Variants in ULK4 observed in about 807,000 individuals in gnomAD.
ULK4 encodes unc-51 like kinase 4, also known as inactive serine/threonine-protein kinase ULK4.
In ULK4, 133 loss-of-function variants were observed where a neutral mutation model predicts 160.6. The observed-to-expected ratio is 0.83, with a 90% CI of 0.72 to 0.96. The LOEUF (loss-of-function observed/expected upper bound fraction) is 0.96, where lower values mean the gene tolerates loss of function less well. Ranked by LOEUF, ULK4 falls within the 40% of genes least tolerant of loss-of-function variation. The pLI is 0.00. For synonymous variants in ULK4, 534 were observed against 539.8 expected (o/e 0.99, Z 0.15); for missense variants, 1,580 against 1,499.5 (o/e 1.05, Z -0.89).
intron 30 of ULK4, among the ~76,000 whole-genome samples, chr3:41,629,044 CT>C (rs746488156): frequency 2.0e-5 from 3 of 152,118 alleles, no homozygotes; most frequent in Non-Finnish European, 4.4e-5. Context: ...TGAATTTCAT[CT>C]TTATAGTGTT....
intron 30 of ULK4, among the ~76,000 whole-genome samples, chr3:41,657,834 A>AAAAAAAAAAAAAAC (rs1553628520): frequency 2.7e-5 from 4 of 150,072 alleles, no homozygotes; most frequent in African/African-American, 7.4e-5. Flanking sequence ...AAAAAAAAAA[A>AAAAAAAAAAAAAAC]ACACACACCA....
chr3:41,724,601 T>G lies in ULK4; in HGVS notation c.2322-6740A>C, dbSNP rs2037584595. Among the ~76,000 whole-genome samples the G allele has an allele frequency of 2.0e-5, 3 of 152,126 alleles. No homozygotes were observed. In the South Asian group the frequency reaches 6.2e-4, roughly 32 times the overall value. On this transcript the variant is annotated intron_variant, in intron 22 of 36. Transcript: ENST00000301831. ...AGCCGGGCGTGGTGGCAGGCGCCTG[T>G]AGTCCCAGCTACTCGGGAGGCTGAG... is the stretch of plus-strand genomic sequence containing the variant.
intron 32 of ULK4, among the ~76,000 whole-genome samples, chr3:41,521,417 A>G (rs982256924): frequency 1.3e-4 from 20 of 151,944 alleles, no homozygotes; most frequent in Admixed American, 6.6e-5. Context: ...CATTTTGTCT[A>G]GACAGATATG....
intron 35 of ULK4, among the ~76,000 whole-genome samples, chr3:41,250,645 C>A (rs2078727673): frequency 6.6e-6 from 1 of 152,178 alleles, no homozygotes; most frequent in Non-Finnish European, 1.5e-5. Flanking sequence ...ATCAACCACT[C>A]ATGATAGGTC....
At chr3:41,735,886 C>A in intron 22 of ULK4, among the ~76,000 whole-genome samples, 1 of 130,054 alleles carries the variant, frequency 7.7e-6, no homozygotes, top group African/African-American at 2.9e-5. Flanking sequence ...GTTCCCCTTC[C>A]TGTGTCCATG....
At chr3:41,274,379 C>A (rs562056778) in intron 35 of ULK4, among the ~76,000 whole-genome samples, 1 of 152,186 alleles carries the variant, frequency 6.6e-6, no homozygotes, top group Non-Finnish European at 1.5e-5. Context: ...CACAGTAACA[C>A]AGACAGCCAC....
chr3:41,439,696 T>C (rs933040557), intron 34 of ULK4, among the ~76,000 whole-genome samples: 2 of 152,200 alleles, frequency 1.3e-5, no homozygotes, highest in African/African-American at 4.8e-5. Flanking sequence ...AAAGTTGTTT[T>C]GACTATTCTA....
chr3:41,293,413 A>C (rs1239019904), intron 35 of ULK4, among the ~76,000 whole-genome samples: 1 of 152,114 alleles, frequency 6.6e-6, no homozygotes, highest in Non-Finnish European at 1.5e-5. Context: ...TCCTCCACTC[A>C]CTCCGTAACC....
chr3:41,498,744 C>T (rs775793961), intron 32 of ULK4, among the ~76,000 whole-genome samples: 17 of 151,862 alleles, frequency 1.1e-4, no homozygotes, highest in African/African-American at 4.1e-4. Context: ...TACAGGTGCC[C>T]GCCATCATGC....
intron 35 of ULK4, among the ~76,000 whole-genome samples, chr3:41,365,441 T>A (rs1362091620): frequency 6.6e-6 from 1 of 152,196 alleles, no homozygotes. Flanking sequence ...ATAAGACAAC[T>A]AATGTTTTTG....
intron 32 of ULK4, among the ~76,000 whole-genome samples, chr3:41,550,301 C>G (rs979126904): frequency 6.6e-6 from 1 of 151,836 alleles, no homozygotes; most frequent in Admixed American, 6.6e-5. Flanking sequence ...CAATAATAAC[C>G]TTGAATATAA....
intron 34 of ULK4, among the ~76,000 whole-genome samples, chr3:41,449,342 G>A (rs543781608): frequency 6.6e-6 from 1 of 152,230 alleles, no homozygotes; most frequent in East Asian, 1.9e-4. Flanking sequence ...ACAGTTTTCA[G>A]GAGGTACTTA....
chr3:41,889,369 C>T (rs1697835012), intron 16 of ULK4, among the ~76,000 whole-genome samples: 4 of 152,026 alleles, frequency 2.6e-5, no homozygotes, highest in Admixed American at 2.6e-4. Context: ...CAAAACCTTT[C>T]AAATATGATT....
intron 35 of ULK4, among the ~76,000 whole-genome samples, chr3:41,306,178 G>C (rs1335317527): frequency 1.1e-5 from 1 of 92,794 alleles, no homozygotes; most frequent in Non-Finnish European, 2.1e-5. Context: ...ATCCGGGAGG[G>C]AGGTGGGGGG....
intron 17 of ULK4, among the ~76,000 whole-genome samples, chr3:41,871,014 A>T (rs1409878129): frequency 6.6e-6 from 1 of 151,896 alleles, no homozygotes; most frequent in Middle Eastern, 3.2e-3. Flanking sequence ...TTCACTCAGC[A>T]CTCATTCTCT....
intron 31 of ULK4, among the ~76,000 whole-genome samples, chr3:41,582,636 T>C (rs576722044): frequency 1.5e-4 from 23 of 152,336 alleles, no homozygotes; most frequent in African/African-American, 5.3e-4. Flanking sequence ...CTTCTGGGCA[T>C]TGATTTCAAA....
intron 16 of ULK4, among the ~76,000 whole-genome samples, chr3:41,884,636 T>C (rs1184517446): frequency 6.6e-6 from 1 of 152,236 alleles, no homozygotes; most frequent in Non-Finnish European, 1.5e-5. Flanking sequence ...GATGTCTGCA[T>C]GTTGTCTAGG....
intron 18 of ULK4, among the ~76,000 whole-genome samples, chr3:41,834,758 T>G (rs1242912177): frequency 2.0e-5 from 3 of 152,280 alleles, no homozygotes; most frequent in Admixed American, 2.0e-4. Context: ...AGAAATACAA[T>G]TACAGTCATG....
chr3:41,946,309 C>G (rs62257274), intron 2 of ULK4, among the ~76,000 whole-genome samples: 1 of 152,068 alleles, frequency 6.6e-6, no homozygotes, highest in African/African-American at 2.4e-5. Flanking sequence ...ACCATAGGAA[C>G]CCATTTACTT....
Sources: allele counts gnomAD v4.1 joint callset (sites outside exome capture counted in the v4.1 genomes callset), GRCh38; gene constraint gnomAD v4.1.1; transcripts MANE v1.5; gene names NCBI Gene and HGNC (gene_info 2026-07-23, HGNC 2026-07-21).